Variants in KIF6 observed in about 807,000 individuals in gnomAD.
KIF6 encodes the protein kinesin-like protein KIF6.
KIF6 carries 106 observed loss-of-function variants against 112.7 expected under a neutral mutation model. That is an observed-to-expected ratio of 0.94 (90% confidence interval 0.80 to 1.11). The LOEUF (loss-of-function observed/expected upper bound fraction) is 1.11, where lower values mean the gene tolerates loss of function less well. Among genes scored for constraint, KIF6 ranks in the 50% least tolerant of loss-of-function variants. The probability of loss-of-function intolerance (pLI) is 0.00; values close to 1 mark genes in which losing one functional copy is unlikely to be tolerated. For missense variants in KIF6, 929 were observed against 964.0 expected (o/e 0.96, Z 0.48); for synonymous variants, 339 against 339.9 (o/e 1.00, Z 0.03).
At chr6:39,460,536 T>TAAAAAAAAAAAAA (rs759528125) in intron 13 of KIF6, among the ~76,000 whole-genome samples, 60 of 57,054 alleles carry the variant, frequency 1.1e-3, no homozygotes, top group East Asian at 2.3e-3. Context: ...AAAAAAAAAG[T>TAAAAAAAAAAAAA]AAAAAAAAAA....
intron 10 of KIF6, among the ~76,000 whole-genome samples, chr6:39,552,372 G>T (rs1358089300): frequency 1.3e-5 from 2 of 152,076 alleles, no homozygotes; most frequent in Non-Finnish European, 1.5e-5. Flanking sequence ...AACATGTCAG[G>T]CACTTTCACA....
chr6:39,341,974 T>C (rs1264707625), intron 22 of KIF6, among the ~76,000 whole-genome samples: 2 of 152,212 alleles, frequency 1.3e-5, no homozygotes, highest in East Asian at 3.9e-4. Flanking sequence ...TATCACTCCA[T>C]GGTTAAAATT....
intron 13 of KIF6, among the ~76,000 whole-genome samples, chr6:39,446,194 A>G (rs1772300962): frequency 6.6e-6 from 1 of 152,204 alleles, no homozygotes; most frequent in Admixed American, 6.5e-5. Flanking sequence ...CAGGCTCCAC[A>G]TCTATAAAAT....
intron 10 of KIF6, among the ~76,000 whole-genome samples, chr6:39,555,622 C>T (rs911508859): frequency 1.3e-5 from 2 of 152,072 alleles, no homozygotes; most frequent in Non-Finnish European, 2.9e-5. Flanking sequence ...TATTCATTTA[C>T]CTTTATTTAG....
At chr6:39,356,296 GTC>G (rs1451158871) in intron 19 of KIF6, among the ~76,000 whole-genome samples, 3 of 151,128 alleles carry the variant, frequency 2.0e-5, no homozygotes, top group African/African-American at 7.3e-5. Flanking sequence ...TTGAGACGGA[GTC>G]TCTGTCGCCC....
intron 3 of KIF6, among the ~76,000 whole-genome samples, chr6:39,702,428 T>C (rs1788927161): frequency 6.6e-6 from 1 of 152,206 alleles, no homozygotes; most frequent in Non-Finnish European, 1.5e-5. Flanking sequence ...GATCACAACA[T>C]AGTTCCACTG....
chr6:39,564,107 A>G (rs1006199290), intron 10 of KIF6, among the ~76,000 whole-genome samples: 4 of 152,196 alleles, frequency 2.6e-5, no homozygotes, highest in African/African-American at 9.6e-5. Flanking sequence ...ACTCTGCCCA[A>G]CACATGCTAG....
At chr6:39,697,151 A>T (rs999215975) in intron 3 of KIF6, among the ~76,000 whole-genome samples, 1 of 152,146 alleles carries the variant, frequency 6.6e-6, no homozygotes, top group Non-Finnish European at 1.5e-5. Context: ...TGGCATCACC[A>T]ACTTCTGTCC....
rs774597311 is a variant in KIF6, at chr6:39,651,410, G to A, written c.252-11653C>T. Among the ~76,000 whole-genome samples, 170 of 152,170 alleles carry A rather than the reference G, an allele frequency of 1.1e-3. 2 individuals are homozygous for A. Among genetic ancestry groups the A allele is most frequent in the East Asian group, 5.8e-4 (3 of 5,190 alleles). Reference sequence around the variant, plus strand: ...GAAAGTTGAGCACTGCAGGATGGCGGGGGAGGGTAGCAGGTGGCTGCCGTC... The same window carrying A: ...GAAAGTTGAGCACTGCAGGATGGCGAGGGAGGGTAGCAGGTGGCTGCCGTC... On this transcript the variant is annotated intron_variant, in intron 3 of 22. Coordinates refer to ENST00000287152, the MANE Select transcript of KIF6 (RefSeq NM_145027.6).
chr6:39,346,102 C>CTCT (rs1763743341), intron 20 of KIF6, among the ~76,000 whole-genome samples: 1 of 41,698 alleles, frequency 2.4e-5, no homozygotes. Context: ...CCTCTCCCTC[C>CTCT]CCCCCTCCCT....
chr6:39,364,970 T>A lies in KIF6; in HGVS notation c.1862-2452A>T, dbSNP rs145771809. Among the ~76,000 whole-genome samples the A allele has an allele frequency of 1.6e-3, 242 of 152,360 alleles. 1 individual carries two copies. Among genetic ancestry groups the A allele is most frequent in the African/African-American group, 4.9e-3 (202 of 41,592 alleles). On this transcript the variant is annotated intron_variant, in intron 16 of 22. Coordinates refer to ENST00000287152, the MANE Select transcript of KIF6 (RefSeq NM_145027.6). Reference sequence around the variant, plus strand: ...GGTCAGTTTTAAAACTTGCATTTTTTAAAAATAAGTGATTGTTAAAATGCG... The same window carrying A: ...GGTCAGTTTTAAAACTTGCATTTTTAAAAAATAAGTGATTGTTAAAATGCG...
chr6:39,343,118 A>C lies in KIF6; in HGVS notation c.2428+591T>G, dbSNP rs763901951. 426 of 985,316 alleles carry C rather than the reference A, an allele frequency of 4.3e-4. 1 individual carries two copies. Among genetic ancestry groups the C allele is most frequent in the Middle Eastern group, 1.0e-3 (2 of 1,914 alleles). 61.0% of individuals were successfully genotyped at this position (985,316 alleles called of 1,614,324 possible). ...AAAAGGCCCAGCCACAGCAGATGGG[A>C]GATGGGCAGCTGCCAAGAGGACGGG... On this transcript the variant is annotated intron_variant, in intron 22 of 22. Coordinates refer to ENST00000287152, the MANE Select transcript of KIF6 (RefSeq NM_145027.6). The surrounding 1 kb of genome is among the most constrained non-coding windows in gnomAD (Gnocchi z 4.1).
rs112806520 is a variant in KIF6 at position 39,472,849 on chromosome 6, G to A, written c.1646-41688C>T. ...GTCACCAGATTCTTCAATAACAAAA[G>A]TGTTGTACATTTTCTTTTTTTTTTT... On this transcript the variant is annotated intron_variant, in intron 13 of 22. Transcript: ENST00000287152. Among the ~76,000 whole-genome samples the A allele has an allele frequency of 6.8e-3, 1,037 of 151,822 alleles. 3 individuals carry two copies. Among genetic ancestry groups the A allele is most frequent in the Non-Finnish European group, 9.7e-3 (658 of 67,982 alleles).
chr6:39,611,215 C>A (rs542826963), intron 6 of KIF6, among the ~76,000 whole-genome samples: 1 of 152,096 alleles, frequency 6.6e-6, no homozygotes, highest in South Asian at 2.1e-4. Flanking sequence ...GGCTGAGGCA[C>A]AAGAATGGCT....
chr6:39,372,117 G>A (rs1482737315), intron 16 of KIF6, among the ~76,000 whole-genome samples: 5 of 152,162 alleles, frequency 3.3e-5, no homozygotes, highest in Non-Finnish European at 7.3e-5. Context: ...GATGAAATTG[G>A]AATTATTAAG....
intron 10 of KIF6, among the ~76,000 whole-genome samples, chr6:39,557,908 T>C (rs2150590228): frequency 6.6e-6 from 1 of 151,378 alleles, no homozygotes; most frequent in African/African-American, 2.4e-5. Flanking sequence ...ATAATACTTG[T>C]TATCTTTGGT....
intron 1 of KIF6, among the ~76,000 whole-genome samples, chr6:39,721,695 T>A (rs1447935163): frequency 2.6e-5 from 4 of 151,490 alleles, no homozygotes; most frequent in African/African-American, 9.7e-5. Context: ...GTACATAAAA[T>A]GAGGAAAACA....
At chr6:39,537,911 C>A (rs996607100) in intron 13 of KIF6, among the ~76,000 whole-genome samples, 2 of 152,222 alleles carry the variant, frequency 1.3e-5, no homozygotes, top group Non-Finnish European at 2.9e-5. Flanking sequence ...GAAATAATGC[C>A]GCATACCTAC....
rs58810898 is a variant in KIF6 at position 39,349,631 on chromosome 6, C to CTTTTTTTTTTTT, written c.2181-3117_2181-3106dup. On this transcript the variant is annotated intron_variant, in intron 19 of 22. Coordinates refer to ENST00000287152, the MANE Select transcript of KIF6 (RefSeq NM_145027.6). Reference sequence around the variant, plus strand: ...GAAGGTCTAGGTTTAATTTGTGGCTCTTTTTTTTTTTTTTTTTTTTTTTTT... The same window carrying CTTTTTTTTTTTT: ...GAAGGTCTAGGTTTAATTTGTGGCTCTTTTTTTTTTTTTTTTTTTTTTTTTTTTTTTTTTTTT... Among the ~76,000 whole-genome samples the CTTTTTTTTTTTT allele has an allele frequency of 1.2e-3, 78 of 64,560 alleles. 7 individuals are homozygous for CTTTTTTTTTTTT. The highest frequency in any genetic ancestry group is 1.8e-3 in the African/African-American group (28 of 15,496). The allele number at this position is 64,560 out of a possible 152,430, so 42.4% of individuals were successfully genotyped here.
Sources: allele counts gnomAD v4.1 joint callset (sites outside exome capture counted in the v4.1 genomes callset), GRCh38; gene constraint gnomAD v4.1.1; non-coding constraint Gnocchi (gnomAD v3.1); transcripts MANE v1.5; gene names NCBI Gene and HGNC (gene_info 2026-07-23, HGNC 2026-07-21).